The following PRMT2 variants were observed in gnomAD, a reference collection of about 807,000 sequenced individuals.
PRMT2 encodes the protein protein arginine N-methyltransferase 2.
PRMT2 carries 26 observed loss-of-function variants against 57.6 expected under a neutral mutation model. The observed-to-expected ratio is 0.45, with a 90% CI of 0.33 to 0.63. The LOEUF is 0.63. Ranked by LOEUF, PRMT2 falls within the 20% of genes least tolerant of loss-of-function variation. PRMT2 has a pLI of 0.02. For synonymous variants in PRMT2, 219 were observed against 220.0 expected, an observed-to-expected ratio of 1.00 and a Z score of 0.04; for missense variants, 472 against 564.4, an observed-to-expected ratio of 0.84 and a Z score of 1.66.
In PRMT2 at chr21:46,649,227, A is replaced by C. The variant is rs1441490897; in HGVS notation, c.490-348A>C. ...TTGTCTGACAGGCCTCAGATGTGGC[A>C]CAGACCAGCATTGTCACTTGGGTGC... On this transcript the variant is annotated intron_variant, in intron 6 of 11. Coordinates refer to ENST00000355680, the MANE Select transcript of PRMT2 (RefSeq NM_206962.4). The surrounding 1 kb of genome is among the most constrained non-coding windows in gnomAD (Gnocchi z 4.8). Among the ~76,000 whole-genome samples the C allele has an allele frequency of 1.3e-5, 2 of 152,200 alleles. No homozygotes were observed. The highest frequency in any genetic ancestry group is 1.3e-4 in the Admixed American group (2 of 15,286).
intron 7 of PRMT2, chr21:46,651,917 C>T (rs1569158308): frequency 6.2e-7 from 1 of 1,613,286 alleles, no homozygotes; most frequent in Non-Finnish European, 8.5e-7. Flanking sequence ...GTCTGTCCCT[C>T]TTCATGTCCT....
intron 8 of PRMT2, chr21:46,660,102 A>C (rs2061598202): frequency 1.0e-6 from 1 of 971,304 alleles, no homozygotes; most frequent in South Asian, 4.8e-5. Context: ...TAAATGTGTA[A>C]ATATAGTGGA....
In PRMT2 at chr21:46,644,374, G is replaced by A. The variant is rs777274657; in HGVS notation, c.213G>A (p.Glu71=). 6.2e-7 allele frequency: 1 copy of A among 1,612,684 alleles called. No homozygotes were observed. Among genetic ancestry groups the A allele is most frequent in the Non-Finnish European group, 8.5e-7 (1 of 1,179,428 alleles). ...CCACTGCAGATTGGTGGTGGGGTGA[G>A]CGTGCGGGCTGCTGTGGGTACATTC... ...RQTTADWWWG[E]RAGCCGYIPA... The change falls in exon 5 of 12, where the codon GAG becomes GAA. Residue 71 remains glutamate, a synonymous_variant. Coordinates refer to ENST00000355680, the MANE Select transcript of PRMT2 (RefSeq NM_206962.4).
chr21:46,639,695 T>C (rs1485199520), intron 3 of PRMT2, among the ~76,000 whole-genome samples: 1 of 151,314 alleles, frequency 6.6e-6, no homozygotes, highest in African/African-American at 2.4e-5. Context: ...ATAAAGTGTG[T>C]GTGTGTGTGT....
intron 7 of PRMT2, chr21:46,657,619 G>C (rs1477432361): frequency 6.6e-6 from 1 of 152,210 alleles, no homozygotes; most frequent in Non-Finnish European, 1.5e-5. Context: ...CAAGACCATG[G>C]GGATGGAGAC....
Position 46,664,566 on chromosome 21 carries a change from T to C in PRMT2, c.*239T>C. 3.4e-6 allele frequency: 2 copies of C among 593,142 alleles called. No individual in the cohort carries two copies. The highest frequency in any genetic ancestry group is 6.0e-6 in the Non-Finnish European group (2 of 332,424). 36.7% of individuals were successfully genotyped at this position (593,142 alleles called of 1,614,324 possible). Reference sequence around the variant, plus strand: ...CAGTGTCTGCCCTCTAGAAGTAGGCTGTGTTTCCAGGTGTTCACCCGTGGT... The same window carrying C: ...CAGTGTCTGCCCTCTAGAAGTAGGCCGTGTTTCCAGGTGTTCACCCGTGGT... On this transcript the variant is annotated 3_prime_UTR_variant, in exon 12 of 12. Transcript: ENST00000355680.
intron 5 of PRMT2, among the ~76,000 whole-genome samples, chr21:46,647,019 T>C (rs1457125516): frequency 6.6e-6 from 1 of 152,196 alleles, no homozygotes; most frequent in Non-Finnish European, 1.5e-5. Context: ...GGCCTCTTAA[T>C]GCCATCACAC....
chr21:46,652,464 G>A (rs1219420372), intron 7 of PRMT2: 2 of 1,042,936 alleles, frequency 1.9e-6, no homozygotes, highest in Non-Finnish European at 2.3e-6. Context: ...GCAGGGACTA[G>A]AAAGGCAGAG....
At chr21:46,641,060 G>T (rs550230245) in intron 3 of PRMT2, among the ~76,000 whole-genome samples, 1 of 144,654 alleles carries the variant, frequency 6.9e-6, no homozygotes, top group Admixed American at 7.2e-5. Context: ...GGAGGTGGAG[G>T]TTGCCATGAG....
At chr21:46,642,609 T>C (rs13433457) in intron 3 of PRMT2, among the ~76,000 whole-genome samples, 1,765 of 152,366 alleles carry the variant, frequency 0.012, 29 homozygotes, top group African/African-American at 0.041. Flanking sequence ...GAATTACTTT[T>C]ATGTTTAGGA....
At position 46,651,771 on chromosome 21, in the gene PRMT2, G is replaced by A. The variant is rs755988571; in HGVS notation, c.654+2032G>A. On this transcript the variant is annotated intron_variant, in intron 7 of 11. Coordinates refer to ENST00000355680, the MANE Select transcript of PRMT2 (RefSeq NM_206962.4). ...GAGGGTATGAATCTGGGAGTCGTTG[G>A]TGCGGTTGTACCCACCTTCACTTTC... 1.9e-6 allele frequency: 3 copies of A among 1,610,556 alleles called. No homozygotes were observed. The South Asian group carries it at 3.3e-5, about 18-fold the overall frequency.
intron 7 of PRMT2, chr21:46,651,871 C>T (rs2061461518): frequency 1.9e-6 from 3 of 1,612,936 alleles, no homozygotes; most frequent in Admixed American, 1.7e-5. Flanking sequence ...TTCACGTCCT[C>T]CTGGCCTGCT....
At chr21:46,663,130 T>A (rs920803722) in intron 10 of PRMT2, among the ~76,000 whole-genome samples, 7 of 152,196 alleles carry the variant, frequency 4.6e-5, no homozygotes, top group Non-Finnish European at 8.8e-5. Context: ...ATTGGCAGGA[T>A]CTGTCTCACT....
At chr21:46,640,528 G>T (rs1309283421) in intron 3 of PRMT2, among the ~76,000 whole-genome samples, 1 of 144,862 alleles carries the variant, frequency 6.9e-6, no homozygotes, top group South Asian at 2.2e-4. Context: ...TGCAAGCTCC[G>T]CCTCCTGGGT....
intron 5 of PRMT2, among the ~76,000 whole-genome samples, chr21:46,646,164 C>T (rs1209587590): frequency 6.6e-6 from 1 of 152,096 alleles, no homozygotes; most frequent in African/African-American, 2.4e-5. Flanking sequence ...TGGCAGTGTT[C>T]TGGGGTTGGA....
Position 46,649,893 on chromosome 21 carries a change from G to T in PRMT2, c.654+154G>T. ...CTAATTAATTTCTTGTGTGGACATT[G>T]GCTCAGTGTCTTGAATTTTCACCTG... On this transcript the variant is annotated intron_variant, in intron 7 of 11. Transcript: ENST00000355680. This position sits in a 1 kb window ranked among gnomAD's most constrained non-coding sequence, Gnocchi z 4.8. 6.8e-7 allele frequency: 1 copy of T among 1,467,024 alleles called. No homozygotes were observed. The highest frequency in any genetic ancestry group is 1.4e-5 in the South Asian group (1 of 71,774). The allele number at this position is 1,467,024 out of a possible 1,614,324, so 90.9% of individuals were successfully genotyped here.
intron 5 of PRMT2, among the ~76,000 whole-genome samples, chr21:46,647,702 A>C (rs915632825): frequency 1.3e-5 from 2 of 152,240 alleles, no homozygotes; most frequent in Non-Finnish European, 2.9e-5. Context: ...TTTAAATAAT[A>C]AAAAATCTAG....
rs116436499 is a variant in PRMT2, at chr21:46,647,830, C to T, written c.328-628C>T. Among the ~76,000 whole-genome samples, 870 of 152,314 alleles carry T rather than the reference C, an allele frequency of 5.7e-3. 11 individuals carry two copies. Among genetic ancestry groups the T allele is most frequent in the African/African-American group, 0.02 (835 of 41,550 alleles). Reference sequence around the variant, plus strand: ...CCCTTCGCGTTGATGTGAAACGGTGCGTTTGTCCTGCTCTGGATTTCAGGG... The same window carrying T: ...CCCTTCGCGTTGATGTGAAACGGTGTGTTTGTCCTGCTCTGGATTTCAGGG... On this transcript the variant is annotated intron_variant, in intron 5 of 11. Transcript: ENST00000355680.
chr21:46,641,789 G>A (rs1207966658), intron 3 of PRMT2, among the ~76,000 whole-genome samples: 1 of 151,960 alleles, frequency 6.6e-6, no homozygotes, highest in East Asian at 1.9e-4. Context: ...TGGGCATGGT[G>A]GAGGTGTGGA....
Sources: allele counts gnomAD v4.1 joint callset (sites outside exome capture counted in the v4.1 genomes callset), GRCh38; gene constraint gnomAD v4.1.1; non-coding constraint Gnocchi (gnomAD v3.1); transcripts MANE v1.5; gene names NCBI Gene and HGNC (gene_info 2026-07-23, HGNC 2026-07-21).